ANKRD44: variants seen among roughly 807,000 people sequenced by gnomAD.
The protein encoded by ANKRD44 is serine/threonine-protein phosphatase 6 regulatory ankyrin repeat subunit B.
Under a neutral mutation model 116.0 loss-of-function variants are expected in ANKRD44, and 35 were observed. The observed-to-expected ratio is 0.30, with a 90% CI of 0.23 to 0.40. ANKRD44 has a LOEUF of 0.40. Among genes scored for constraint, ANKRD44 ranks in the 10% least tolerant of loss-of-function variants. ANKRD44 has a pLI of 1.00. For synonymous variants in ANKRD44, 435 were observed against 461.8 expected, an observed-to-expected ratio of 0.94 and a Z score of 0.74; for missense variants, 1,014 against 1,242.6, an observed-to-expected ratio of 0.82 and a Z score of 2.77.
chr2:197,149,077 T>C (rs1574552684), intron 2 of ANKRD44, among the ~76,000 whole-genome samples: 1 of 152,248 alleles, frequency 6.6e-6, no homozygotes, highest in East Asian at 1.9e-4. Context: ...CATTTTAGCC[T>C]CATGTTCCCT....
intron 6 of ANKRD44, among the ~76,000 whole-genome samples, chr2:197,124,241 C>T (rs1439973774): frequency 6.6e-6 from 1 of 152,110 alleles, no homozygotes. Flanking sequence ...TCAGACCCAC[C>T]TTTAGCCACA....
intron 1 of ANKRD44, among the ~76,000 whole-genome samples, chr2:197,258,498 G>A (rs1048879351): frequency 6.6e-6 from 1 of 152,058 alleles, no homozygotes; most frequent in African/African-American, 2.4e-5. Flanking sequence ...GTCATTGGAC[G>A]TTTGAGTTGT....
chr2:197,070,192 A>G (rs1175328130), intron 16 of ANKRD44, among the ~76,000 whole-genome samples: 1 of 152,048 alleles, frequency 6.6e-6, no homozygotes, highest in Non-Finnish European at 1.5e-5. Flanking sequence ...GCAAATAGGA[A>G]CAGTTTTGTT....
chr2:197,095,547 C>T (rs534390398), intron 10 of ANKRD44, among the ~76,000 whole-genome samples: 5 of 152,332 alleles, frequency 3.3e-5, no homozygotes, highest in Admixed American at 3.3e-4. Flanking sequence ...GGACCATAAT[C>T]CTACACAAAT....
intron 1 of ANKRD44, among the ~76,000 whole-genome samples, chr2:197,295,875 C>G (rs991384331): frequency 6.6e-6 from 1 of 151,976 alleles, no homozygotes; most frequent in Non-Finnish European, 1.5e-5. Flanking sequence ...GACTGGGCAA[C>G]ATGGTGAAAC....
chr2:197,158,688 T>A (rs1041539897), intron 2 of ANKRD44, among the ~76,000 whole-genome samples: 3 of 152,118 alleles, frequency 2.0e-5, no homozygotes, highest in Non-Finnish European at 4.4e-5. Context: ...ATATTTAAAC[T>A]TAACCTGGAA....
At chr2:197,080,546 G>A (rs139307838) in intron 15 of ANKRD44, among the ~76,000 whole-genome samples, 273 of 152,302 alleles carry the variant, frequency 1.8e-3, no homozygotes, top group African/African-American at 6.0e-3. Flanking sequence ...AAAAGGAAGC[G>A]TTTGCTGCAG....
intron 2 of ANKRD44, among the ~76,000 whole-genome samples, chr2:197,156,333 G>A (rs1045379407): frequency 4.7e-5 from 7 of 149,536 alleles, no homozygotes; most frequent in Non-Finnish European, 7.4e-5. Flanking sequence ...GCGACAGAGC[G>A]AGACTCCGTC....
chr2:197,051,442 G>A (rs1165559790), intron 16 of ANKRD44, among the ~76,000 whole-genome samples: 1 of 152,120 alleles, frequency 6.6e-6, no homozygotes, highest in Non-Finnish European at 1.5e-5. Flanking sequence ...CACCCAGGCT[G>A]GAGTGCAGTG....
In ANKRD44 at chr2:197,101,204, T is replaced by C. The variant is rs74886196; in HGVS notation, c.986-1274A>G. ...ACTTGGTTGTCATGTCTCTTTAGTT[T>C]CTGTTAATCCAAAACAATCCTCCTG... On this transcript the variant is annotated intron_variant, in intron 9 of 27. Coordinates refer to ENST00000282272, the MANE Select transcript of ANKRD44 (RefSeq NM_001195144.2). 7.8e-3 allele frequency among the ~76,000 whole-genome samples: 1,182 copies of C among 152,286 alleles called. 15 individuals are homozygous for C. Among genetic ancestry groups the C allele is most frequent in the African/African-American group, 0.027 (1,135 of 41,552 alleles).
chr2:197,077,002 A>G (rs1474991216), intron 16 of ANKRD44, among the ~76,000 whole-genome samples: 1 of 152,216 alleles, frequency 6.6e-6, no homozygotes, highest in East Asian at 1.9e-4. Context: ...AATGATTTAT[A>G]TTCCTTTGGG....
intron 1 of ANKRD44, among the ~76,000 whole-genome samples, chr2:197,192,560 G>A (rs1406736726): frequency 1.3e-5 from 2 of 152,186 alleles, no homozygotes; most frequent in Non-Finnish European, 2.9e-5. Context: ...CTAGCCATAT[G>A]AAGCCATCAA....
At chr2:197,007,762 C>T in intron 20 of ANKRD44, 44 bp downstream of exon 20, 1 of 1,238,890 alleles carries the variant, frequency 8.1e-7, no homozygotes, top group Non-Finnish European at 1.2e-6. Flanking sequence ...AAAACAAGCT[C>T]ATTAAAAAAA....
At chr2:197,293,799 G>C (rs1349922478) in intron 1 of ANKRD44, among the ~76,000 whole-genome samples, 1 of 152,184 alleles carries the variant, frequency 6.6e-6, no homozygotes, top group Admixed American at 6.5e-5. Flanking sequence ...GACCAGCTTA[G>C]AAGTGGGTGA....
At chr2:197,310,459 T>C (rs2084219170) in intron 1 of ANKRD44, 119 bp downstream of exon 1, 2 of 681,748 alleles carry the variant, frequency 2.9e-6, no homozygotes, top group East Asian at 1.4e-4. Flanking sequence ...CACACAGTCC[T>C]CCCCTTCGCC....
chr2:196,967,912 ACTCTCTCTCT>A (rs35734167), intron 21 of ANKRD44, among the ~76,000 whole-genome samples: 1 of 140,864 alleles, frequency 7.1e-6, no homozygotes, highest in African/African-American at 2.6e-5. Flanking sequence ...ATGGCTTGGC[ACTCTCTCTCT>A]CTCTCTCTCT....
intron 2 of ANKRD44, among the ~76,000 whole-genome samples, chr2:197,156,946 G>C (rs1397118216): frequency 6.6e-6 from 1 of 152,218 alleles, no homozygotes; most frequent in Non-Finnish European, 1.5e-5. Flanking sequence ...GGGCCTAAGG[G>C]AGAGACTGGG....
intron 10 of ANKRD44, among the ~76,000 whole-genome samples, chr2:197,095,290 A>G (rs1204402438): frequency 1.3e-5 from 2 of 152,234 alleles, no homozygotes; most frequent in African/African-American, 4.8e-5. Flanking sequence ...GTGTTTGTGT[A>G]GTACTGGCAT....
intron 1 of ANKRD44, among the ~76,000 whole-genome samples, chr2:197,293,875 A>G (rs893092716): frequency 1.3e-5 from 2 of 152,216 alleles, no homozygotes; most frequent in African/African-American, 4.8e-5. Flanking sequence ...CCCAGGCGGC[A>G]GCCTTCAGCA....
Sources: allele counts gnomAD v4.1 joint callset (sites outside exome capture counted in the v4.1 genomes callset), GRCh38; gene constraint gnomAD v4.1.1; transcripts MANE v1.5; gene names NCBI Gene and HGNC (gene_info 2026-07-23, HGNC 2026-07-21).